Variants in DNAJC5 observed in about 807,000 individuals in gnomAD.
DNAJC5 encodes the protein DnaJ heat shock protein family (Hsp40) member C5, also known as dnaJ homolog subfamily C member 5.
Under a neutral mutation model 23.2 loss-of-function variants are expected in DNAJC5, and 1 was observed. That is an observed-to-expected ratio of 0.04 (90% CI 0.02 to 0.20). DNAJC5 has a LOEUF of 0.20. Ranked by LOEUF, DNAJC5 falls within the 10% of genes least tolerant of loss-of-function variation. The pLI, the probability that DNAJC5 is intolerant of heterozygous loss-of-function variation, is 1.00. For missense variants in DNAJC5, 180 were observed against 267.0 expected (o/e 0.67, Z 2.27); for synonymous variants, 136 against 120.0 (o/e 1.13, Z -0.87).
Position 63,895,328 on chromosome 20 carries a change from G to A in DNAJC5, c.-12+5G>A, listed in dbSNP as rs1271416921. ...GGCGGGCGGGCGGACGGGCAGGTGAGCTCGCTGCGGGTCGGGCGGGCGGAT... is the reference window on the plus strand; with the variant it reads ...GGCGGGCGGGCGGACGGGCAGGTGAACTCGCTGCGGGTCGGGCGGGCGGAT... On this transcript the variant is annotated splice_donor_5th_base_variant and intron_variant, in intron 1 of 4. Transcript: ENST00000360864. 6.8e-6 allele frequency: 1 copy of A among 147,598 alleles called. No individual in the cohort carries two copies. Among genetic ancestry groups the A allele is most frequent in the Non-Finnish European group, 1.5e-5 (1 of 65,956 alleles). 9.1% of individuals were successfully genotyped at this position (147,598 alleles called of 1,614,324 possible).
chr20:63,930,569 G>A lies in DNAJC5; in HGVS notation c.322-282G>A, dbSNP rs570810943. Among the ~76,000 whole-genome samples the A allele has an allele frequency of 2.6e-5, 4 of 152,292 alleles. No individual in the cohort carries two copies. The East Asian group carries it at 7.7e-4, about 29-fold the overall frequency. ...TCACCGTGTTAGCCAGGATGGTCTCGATCTCCTGACCTCGTGATCCGCCAG... is the reference window on the plus strand; with the variant it reads ...TCACCGTGTTAGCCAGGATGGTCTCAATCTCCTGACCTCGTGATCCGCCAG... On this transcript the variant is annotated intron_variant, in intron 3 of 4. Coordinates refer to ENST00000360864, the MANE Select transcript of DNAJC5 (RefSeq NM_025219.3).
In DNAJC5 at chr20:63,920,991, C is replaced by G. The variant is rs1399791007; in HGVS notation, c.-11-7344C>G. Among the ~76,000 whole-genome samples, 1 of 151,796 alleles carries G rather than the reference C, an allele frequency of 6.6e-6. No individual in the cohort carries two copies. The highest frequency in any genetic ancestry group is 1.5e-5 in the Non-Finnish European group (1 of 67,984). The stretch of plus-strand genomic sequence containing the variant: ...TGTTTTGTTTTGAGACGGAGTTTCA[C>G]TATTGTTACGCAGACTGGAGTGCAA... On this transcript the variant is annotated intron_variant, in intron 1 of 4. Transcript: ENST00000360864. This position sits in a 1 kb window ranked among gnomAD's most constrained non-coding sequence, Gnocchi z 4.6.
chr20:63,908,510 TTTGA>T (rs1289395737), intron 1 of DNAJC5, among the ~76,000 whole-genome samples: 4 of 152,138 alleles, frequency 2.6e-5, no homozygotes, highest in African/African-American at 4.8e-5. Context: ...GGGTGTGCCG[TTTGA>T]TTGGTCACGG....
chr20:63,921,718 G>A (rs1447027483), intron 1 of DNAJC5, among the ~76,000 whole-genome samples: 2 of 152,238 alleles, frequency 1.3e-5, no homozygotes, highest in South Asian at 2.1e-4. Context: ...GTGTAGCTGC[G>A]GCTGCACACC....
Position 63,929,183 on chromosome 20 carries a change from A to G in DNAJC5, c.108-129A>G. On this transcript the variant is annotated intron_variant, in intron 2 of 4. Coordinates refer to ENST00000360864, the MANE Select transcript of DNAJC5 (RefSeq NM_025219.3). This position sits in a 1 kb window ranked among gnomAD's most constrained non-coding sequence, Gnocchi z 8.6. ...GGCCCCTGCAGCCCTGGAGAGTCGG[A>G]CAGTGAGGTGGCCTGGGTGGACCTG... The G allele has an allele frequency of 3.7e-6, 4 of 1,093,162 alleles. No homozygotes were observed. Among genetic ancestry groups the G allele is most frequent in the Non-Finnish European group, 4.1e-6 (3 of 734,770 alleles). 67.7% of individuals were successfully genotyped at this position (1,093,162 alleles called of 1,614,324 possible). A position where few individuals can be genotyped will look rare whatever the true frequency, so the allele number is the denominator to read the frequency against.
At chr20:63,930,454 TCTC>T in intron 3 of DNAJC5, among the ~76,000 whole-genome samples, 1 of 152,260 alleles carries the variant, frequency 6.6e-6, no homozygotes, top group South Asian at 2.1e-4. Context: ...TTCACGCCAT[TCTC>T]CTGCCTCTGC....
chr20:63,926,174 G>A (rs912375545), intron 1 of DNAJC5, among the ~76,000 whole-genome samples: 10 of 152,132 alleles, frequency 6.6e-5, no homozygotes, highest in African/African-American at 2.4e-4. Context: ...ACAGATGCAG[G>A]CCTATTCAGA....
rs140395077 is a variant in DNAJC5 at position 63,911,328 on chromosome 20, C to T, written c.-12+16005C>T. On this transcript the variant is annotated intron_variant, in intron 1 of 4. Transcript: ENST00000360864. ...CAGTTGATCCTTCCTCAGGTGTGGC[C>T]GCTGGTCTTGTTGCTTCTTGACATT... Among the ~76,000 whole-genome samples the T allele has an allele frequency of 1.6e-4, 25 of 152,244 alleles. No homozygotes were observed. In the East Asian group the frequency reaches 4.6e-3, roughly 28 times the overall value.
Position 63,931,725 on chromosome 20 carries a change from G to T in DNAJC5, c.*157G>T. On this transcript the variant is annotated 3_prime_UTR_variant, in exon 5 of 5. Coordinates refer to ENST00000360864, the MANE Select transcript of DNAJC5 (RefSeq NM_025219.3). This position sits in a 1 kb window ranked among gnomAD's most constrained non-coding sequence, Gnocchi z 9.6. ...CCACGCCCACCCAGCGTCGACCCTT[G>T]ACCCACGAAGTGCGTAGCATGCAGT... is the stretch of plus-strand genomic sequence containing the variant. 1 of 721,698 alleles carries T rather than the reference G, an allele frequency of 1.4e-6. No homozygotes were observed. Among genetic ancestry groups the T allele is most frequent in the South Asian group, 1.5e-5 (1 of 66,612 alleles). 44.7% of individuals were successfully genotyped at this position (721,698 alleles called of 1,614,324 possible). A position where few individuals can be genotyped will look rare whatever the true frequency, so the allele number is the denominator to read the frequency against.
In DNAJC5 at chr20:63,931,650, G is replaced by A. The variant is rs552086243; in HGVS notation, c.*82G>A. 19 of 1,402,536 alleles carry A rather than the reference G, an allele frequency of 1.4e-5. No individual in the cohort carries two copies. In the East Asian group the frequency reaches 4.0e-4, roughly 29 times the overall value. The allele number at this position is 1,402,536 out of a possible 1,614,324, so 86.9% of individuals were successfully genotyped here. On this transcript the variant is annotated 3_prime_UTR_variant, in exon 5 of 5. Transcript: ENST00000360864. This position sits in a 1 kb window ranked among gnomAD's most constrained non-coding sequence, Gnocchi z 9.6. ...AATCATGAACTGTAGTCACAGAGATGGGAAGGCAGCCTCCTGCCTGCCCTG... is the reference window on the plus strand; with the variant it reads ...AATCATGAACTGTAGTCACAGAGATAGGAAGGCAGCCTCCTGCCTGCCCTG...
rs895228886 is a variant in DNAJC5 at position 63,930,895 on chromosome 20, C to T, written c.366C>T (p.Cys122=). ...GCCTCCTCACGTGCTGCTACTGCTG[C>T]TGCTGTCTGTGCTGCTGCTTCAACT... ...FCGLLTCCYC[C]CCLCCCFNCC... Residue 122 remains cysteine, a synonymous_variant, in exon 4 of 5, where the codon TGC becomes TGT. Transcript: ENST00000360864. 7 of 1,613,856 alleles carry T rather than the reference C, an allele frequency of 4.3e-6. No homozygotes were observed. Among genetic ancestry groups the T allele is most frequent in the East Asian group, 2.2e-5 (1 of 44,898 alleles).
chr20:63,902,379 T>G (rs1171800866), intron 1 of DNAJC5, among the ~76,000 whole-genome samples: 1 of 145,970 alleles, frequency 6.9e-6, no homozygotes, highest in Non-Finnish European at 1.5e-5. Flanking sequence ...TTTTTTTTTT[T>G]TTTGAGACGG....
chr20:63,901,804 C>G (rs1458810981), intron 1 of DNAJC5, among the ~76,000 whole-genome samples: 2 of 152,166 alleles, frequency 1.3e-5, no homozygotes, highest in Non-Finnish European at 2.9e-5. Context: ...GAAGGTTTCC[C>G]TAAGACAAAT....
chr20:63,897,263 G>A (rs145361892), intron 1 of DNAJC5, among the ~76,000 whole-genome samples: 42 of 152,184 alleles, frequency 2.8e-4, no homozygotes, highest in African/African-American at 9.2e-4. Flanking sequence ...GTGTGGTGGC[G>A]TGTGCCTGTA....
intron 3 of DNAJC5, among the ~76,000 whole-genome samples, chr20:63,930,116 T>C (rs1406958918): frequency 1.3e-5 from 2 of 152,250 alleles, no homozygotes; most frequent in East Asian, 3.8e-4. Context: ...TGCATGGCAT[T>C]TGTGAGAAGC....
At chr20:63,907,769 G>T (rs954406270) in intron 1 of DNAJC5, among the ~76,000 whole-genome samples, 2 of 152,156 alleles carry the variant, frequency 1.3e-5, no homozygotes, top group Admixed American at 6.6e-5. Context: ...AAATTTAGGG[G>T]TTTTTTGTTT....
In DNAJC5 at chr20:63,929,634, C is replaced by T. The variant is rs975493683; in HGVS notation, c.321+109C>T. 1.9e-4 allele frequency: 188 copies of T among 996,160 alleles called. No individual in the cohort carries two copies. The African/African-American group carries it at 2.7e-3, about 14-fold the overall frequency. The allele number at this position is 996,160 out of a possible 1,614,324, so 61.7% of individuals were successfully genotyped here. ...CGAGTCACTCCTGCCGTGCGGGCAC[C>T]CGAGTCTCTCCTGCCGTGCGGGCAC... is the stretch of plus-strand genomic sequence containing the variant. On this transcript the variant is annotated intron_variant, in intron 3 of 4. Coordinates refer to ENST00000360864, the MANE Select transcript of DNAJC5 (RefSeq NM_025219.3). This position sits in a 1 kb window ranked among gnomAD's most constrained non-coding sequence, Gnocchi z 8.6.
intron 1 of DNAJC5, chr20:63,919,881 C>G: frequency 4.4e-6 from 1 of 225,146 alleles, no homozygotes; most frequent in Non-Finnish European, 7.9e-6. Context: ...GCACATGTGC[C>G]CAGGGCCCGG....
intron 1 of DNAJC5, among the ~76,000 whole-genome samples, chr20:63,904,761 A>G (rs1162634002): frequency 1.3e-5 from 2 of 152,166 alleles, no homozygotes; most frequent in African/African-American, 2.4e-5. Context: ...TTAAAAGGCA[A>G]AGGACAATAA....
Sources: allele counts gnomAD v4.1 joint callset (sites outside exome capture counted in the v4.1 genomes callset), GRCh38; gene constraint gnomAD v4.1.1; non-coding constraint Gnocchi (gnomAD v3.1); transcripts MANE v1.5; gene names NCBI Gene and HGNC (gene_info 2026-07-23, HGNC 2026-07-21).